The following DYSF variants were observed in gnomAD, a reference collection of about 807,000 sequenced individuals.
DYSF encodes the protein dysferlin.
In DYSF, 212 loss-of-function variants were observed where a neutral mutation model predicts 274.9. That is an observed-to-expected ratio of 0.77 (90% CI 0.69 to 0.86). The LOEUF is 0.86. Ranked by LOEUF, DYSF falls within the 40% of genes least tolerant of loss-of-function variation. The pLI is 0.00. For synonymous variants in DYSF, 1,091 were observed against 1,078.7 expected, an observed-to-expected ratio of 1.01 and a Z score of -0.22; for missense variants, 2,666 against 2,783.2, an observed-to-expected ratio of 0.96 and a Z score of 0.95.
At chr2:71,596,002 CTT>C (rs34280550) in intron 32 of DYSF, among the ~76,000 whole-genome samples, 186 of 135,760 alleles carry the variant, frequency 1.4e-3, no homozygotes, top group African/African-American at 2.9e-3. Context: ...CCCCTTTTTC[CTT>C]TTTTTTTTTT....
chr2:71,639,403 A>G (rs1457793664), intron 41 of DYSF, among the ~76,000 whole-genome samples: 1 of 152,214 alleles, frequency 6.6e-6, no homozygotes, highest in Non-Finnish European at 1.5e-5. Flanking sequence ...TTTTTGAGTT[A>G]TACACAAAAA....
intron 1 of DYSF, among the ~76,000 whole-genome samples, chr2:71,473,613 ATC>A (rs2082188375): frequency 6.6e-6 from 1 of 151,890 alleles, no homozygotes; most frequent in Admixed American, 6.6e-5. Context: ...ACTGGGAGAC[ATC>A]TTCTGCTCCT....
chr2:71,577,926 T>C (rs2092765329), intron 30 of DYSF, among the ~76,000 whole-genome samples: 1 of 152,098 alleles, frequency 6.6e-6, no homozygotes. Context: ...TGGTGATTCA[T>C]TGGTGGGATG....
chr2:71,621,663 A>T (rs1383043168), intron 41 of DYSF, among the ~76,000 whole-genome samples: 2 of 150,854 alleles, frequency 1.3e-5, no homozygotes, highest in Non-Finnish European at 3.0e-5. Flanking sequence ...TATGTATATT[A>T]TATATATATT....
intron 29 of DYSF, among the ~76,000 whole-genome samples, chr2:71,571,744 TCA>T (rs1390043689): frequency 2.0e-5 from 2 of 99,868 alleles, no homozygotes; most frequent in South Asian, 3.3e-4. Flanking sequence ...CACACACAGA[TCA>T]CAGTCAGCAC....
chr2:71,543,588 AC>A (rs1573874627), intron 17 of DYSF, among the ~76,000 whole-genome samples: 1 of 152,330 alleles, frequency 6.6e-6, no homozygotes, highest in East Asian at 1.9e-4. Context: ...CACTGAGTGA[AC>A]GAGACTCCAT....
chr2:71,517,379 C>G (rs11682477), intron 10 of DYSF, among the ~76,000 whole-genome samples: 80,998 of 152,090 alleles, frequency 0.53, 22,195 homozygotes, highest in Middle Eastern at 0.61. Flanking sequence ...CCACCACATA[C>G]GTTCTCAAGA....
Position 71,667,416 on chromosome 2 carries a change from G to A in DYSF, c.5358G>A (p.Glu1786=). The A allele has an allele frequency of 6.2e-7, 1 of 1,614,160 alleles. No individual in the cohort carries two copies. The highest frequency in any genetic ancestry group is 8.5e-7 in the Non-Finnish European group (1 of 1,180,042). The change falls in exon 48 of 56, where the codon GAG becomes GAA. Residue 1786 remains glutamate, a synonymous_variant. Transcript: ENST00000410020. ...RIPNPHLGPV[E]ERLALHVLQQ... ...CAAACCCACACCTGGGCCCAGTGGA[G>A]GAGCGTCTGGCTCTGCATGTGCTTC...
At chr2:71,635,764 AAGAAAGAAAAAAG>A (rs1331190350) in intron 41 of DYSF, among the ~76,000 whole-genome samples, 1 of 120,644 alleles carries the variant, frequency 8.3e-6, no homozygotes, top group African/African-American at 3.2e-5. Flanking sequence ...AAAAAAAAAA[AAGAAAGAAAAAAG>A]AAAAAGAAAA....
chr2:71,632,417 A>G (rs747137028), intron 41 of DYSF, among the ~76,000 whole-genome samples: 26 of 152,374 alleles, frequency 1.7e-4, no homozygotes, highest in African/African-American at 6.3e-4. Context: ...ACTTTGGCAC[A>G]TAGTAGGTTC....
chr2:71,590,469 C>T (rs931044774), intron 32 of DYSF, among the ~76,000 whole-genome samples, 181 bp downstream of exon 32: 1 of 152,142 alleles, frequency 6.6e-6, no homozygotes, highest in Non-Finnish European at 1.5e-5. Context: ...GCCTGCTGGT[C>T]TTCTTGGTAG....
intron 16 of DYSF, among the ~76,000 whole-genome samples, chr2:71,537,327 C>A (rs1384460796): frequency 7.0e-6 from 1 of 142,152 alleles, no homozygotes; most frequent in Non-Finnish European, 1.5e-5. Context: ...GCTCATGCAA[C>A]CTCTGCCTCC....
At chr2:71,674,605 C>T (rs1004754034) in intron 52 of DYSF, among the ~76,000 whole-genome samples, 3 of 152,208 alleles carry the variant, frequency 2.0e-5, no homozygotes, top group African/African-American at 4.8e-5. Flanking sequence ...TGCTGCCTGT[C>T]GCCAGCTGTC....
chr2:71,509,153 G>A (rs1164302703), intron 4 of DYSF, among the ~76,000 whole-genome samples: 2 of 152,050 alleles, frequency 1.3e-5, no homozygotes, highest in African/African-American at 4.8e-5. Context: ...ACTGTGCCCA[G>A]CCGTCATGAA....
intron 41 of DYSF, among the ~76,000 whole-genome samples, chr2:71,629,645 C>T (rs2094279765): frequency 6.6e-6 from 1 of 152,170 alleles, no homozygotes; most frequent in Admixed American, 6.5e-5. Context: ...CTTTTTGGGT[C>T]CACTAGTTAG....
chr2:71,588,238 G>A (rs896767905), intron 30 of DYSF, among the ~76,000 whole-genome samples: 2 of 152,184 alleles, frequency 1.3e-5, no homozygotes, highest in African/African-American at 4.8e-5. Context: ...AATGGGAGAA[G>A]GCTGGACTGG....
chr2:71,632,098 G>T (rs1308531696), intron 41 of DYSF, among the ~76,000 whole-genome samples: 1 of 152,148 alleles, frequency 6.6e-6, no homozygotes, highest in Non-Finnish European at 1.5e-5. Context: ...GAAATCTACA[G>T]CATAGGCAAC....
intron 17 of DYSF, chr2:71,549,263 A>G (rs1348065070): frequency 6.7e-6 from 9 of 1,336,990 alleles, no homozygotes; most frequent in Non-Finnish European, 9.5e-6. Flanking sequence ...TCTGCCTGCC[A>G]GCTCTCCATC....
At chr2:71,618,600 AGGT>A (rs1247478594) in intron 40 of DYSF, among the ~76,000 whole-genome samples, 1 of 47,394 alleles carries the variant, frequency 2.1e-5, no homozygotes, top group African/African-American at 5.4e-5. Context: ...TGTGTGGTAG[AGGT>A]GGTGGGTGTG....
Sources: allele counts gnomAD v4.1 joint callset (sites outside exome capture counted in the v4.1 genomes callset), GRCh38; gene constraint gnomAD v4.1.1; transcripts MANE v1.5; gene names NCBI Gene and HGNC (gene_info 2026-07-23, HGNC 2026-07-21).